Variants in ARMH3 observed in about 807,000 individuals in gnomAD.
The protein encoded by ARMH3 is armadillo-like helical domain-containing protein 3.
A neutral mutation model predicts 99.1 loss-of-function variants in ARMH3; 60 were observed. The observed-to-expected ratio is 0.61, with a 90% CI of 0.49 to 0.75. The LOEUF is 0.75. Among genes scored for constraint, ARMH3 ranks in the 30% least tolerant of loss-of-function variants. The probability of loss-of-function intolerance (pLI) is 0.00; values close to 1 mark genes in which losing one functional copy is unlikely to be tolerated. For missense variants in ARMH3, 679 were observed against 843.1 expected (o/e 0.81, Z 2.41); for synonymous variants, 285 against 292.8 (o/e 0.97, Z 0.27).
At chr10:101,856,312 T>A (rs2066736404) in intron 24 of ARMH3, among the ~76,000 whole-genome samples, 1 of 152,230 alleles carries the variant, frequency 6.6e-6, no homozygotes, top group African/African-American at 2.4e-5. Context: ...TTTTGGCTGC[T>A]ATTTTGATTA....
At chr10:102,054,388 CAAA>C (rs1199918958) in intron 1 of ARMH3, among the ~76,000 whole-genome samples, 2 of 70,746 alleles carry the variant, frequency 2.8e-5, no homozygotes, top group African/African-American at 5.6e-5. Flanking sequence ...GACTCCGTCT[CAAA>C]AAAAAAAAAA....
intron 24 of ARMH3, among the ~76,000 whole-genome samples, chr10:101,856,696 T>G (rs1167096349): frequency 2.0e-5 from 3 of 152,256 alleles, no homozygotes; most frequent in Non-Finnish European, 4.4e-5. Context: ...ACTGGATTCT[T>G]GATCACTGTT....
Position 102,041,090 on chromosome 10 carries a change from A to ATATATATAATATAT in ARMH3, c.-11-966_-11-965insATATATTATATATA, listed in dbSNP as rs1554897209. On this transcript the variant is annotated intron_variant, in intron 1 of 25. Coordinates refer to ENST00000370033, the MANE Select transcript of ARMH3 (RefSeq NM_024541.3). ...ATTGTGTGTACATATATATATATATAATATATATATATATATATATATGTA... is the reference window on the plus strand; with the variant it reads ...ATTGTGTGTACATATATATATATATATATATATAATATATATATATATATATATATATATATGTA... 6.0e-5 allele frequency among the ~76,000 whole-genome samples: 8 copies of ATATATATAATATAT among 132,638 alleles called. No individual in the cohort carries two copies. In the Admixed American group the frequency reaches 6.2e-4, roughly 10 times the overall value. 87.0% of individuals were successfully genotyped at this position (132,638 alleles called of 152,430 possible). A position where few individuals can be genotyped will look rare whatever the true frequency, so the allele number is the denominator to read the frequency against.
chr10:102,015,099 G>A (rs1288517835), intron 8 of ARMH3, among the ~76,000 whole-genome samples: 1 of 152,128 alleles, frequency 6.6e-6, no homozygotes, highest in Non-Finnish European at 1.5e-5. Context: ...ATGTTTATAA[G>A]GTTTAATGCA....
At chr10:101,963,777 TA>T (rs1203090302) in intron 20 of ARMH3, among the ~76,000 whole-genome samples, 1 of 151,812 alleles carries the variant, frequency 6.6e-6, no homozygotes, top group Non-Finnish European at 1.5e-5. Context: ...CTCCTGGTAG[TA>T]GTTTTAAAAG....
intron 19 of ARMH3, among the ~76,000 whole-genome samples, chr10:101,979,624 T>G (rs1846146199): frequency 6.6e-6 from 1 of 152,186 alleles, no homozygotes; most frequent in Non-Finnish European, 1.5e-5. Flanking sequence ...AAACACTAAA[T>G]TGTATAATTT....
chr10:101,992,698 T>C (rs1179286595), intron 17 of ARMH3, among the ~76,000 whole-genome samples: 1 of 152,008 alleles, frequency 6.6e-6, no homozygotes, highest in African/African-American at 2.4e-5. Flanking sequence ...GGTTTCATCC[T>C]GTTAGCCAGG....
rs116786216 is a variant in ARMH3, at chr10:102,004,705, C to T, written c.1048+1835G>A. Among the ~76,000 whole-genome samples, 1,232 of 152,214 alleles carry T rather than the reference C, an allele frequency of 8.1e-3. 19 individuals are homozygous for T. Among genetic ancestry groups the T allele is most frequent in the African/African-American group, 0.028 (1,154 of 41,516 alleles). On this transcript the variant is annotated intron_variant, in intron 14 of 25. Transcript: ENST00000370033. Reference sequence around the variant, plus strand: ...TTCTTAAAGAGAAAGTACTGTATTTCCATTGGGTTATTCTGTGGCCTGAAT... The same window carrying T: ...TTCTTAAAGAGAAAGTACTGTATTTTCATTGGGTTATTCTGTGGCCTGAAT...
intron 24 of ARMH3, among the ~76,000 whole-genome samples, chr10:101,885,632 G>C (rs2067521592): frequency 6.6e-6 from 1 of 152,160 alleles, no homozygotes; most frequent in Non-Finnish European, 1.5e-5. Flanking sequence ...AGGGGAAATG[G>C]GGAGTAACTG....
At chr10:102,028,406 C>T (rs2067049458) in intron 5 of ARMH3, among the ~76,000 whole-genome samples, 1 of 152,072 alleles carries the variant, frequency 6.6e-6, no homozygotes. Context: ...TAAATAAATA[C>T]GAGCATACAT....
intron 25 of ARMH3, among the ~76,000 whole-genome samples, chr10:101,848,195 G>A (rs541331099): frequency 3.9e-5 from 6 of 152,276 alleles, no homozygotes; most frequent in East Asian, 1.9e-4. Context: ...CCCAGCTTGG[G>A]AGCAGGGCCG....
chr10:102,011,574 C>A (rs890380559), intron 11 of ARMH3, 149 bp downstream of exon 11: 3 of 541,662 alleles, frequency 5.5e-6, no homozygotes, highest in South Asian at 3.4e-5. Flanking sequence ...AAAGGAAATA[C>A]ACTCCCCAAG....
chr10:102,019,398 TA>T (rs916626447), intron 8 of ARMH3, among the ~76,000 whole-genome samples: 87 of 145,298 alleles, frequency 6.0e-4, no homozygotes, highest in South Asian at 1.3e-3. Flanking sequence ...TCTACTTATT[TA>T]AAAAAAAAAA....
intron 23 of ARMH3, among the ~76,000 whole-genome samples, chr10:101,901,751 G>A (rs2067986546): frequency 6.6e-6 from 1 of 152,166 alleles, no homozygotes; most frequent in Non-Finnish European, 1.5e-5. Context: ...GGAGAAAGCA[G>A]GGGGGCTGGG....
chr10:102,035,936 G>A (rs1028655083), intron 2 of ARMH3, among the ~76,000 whole-genome samples: 15 of 150,792 alleles, frequency 9.9e-5, no homozygotes, highest in East Asian at 2.0e-4. Context: ...TCTTCCCAGC[G>A]GCCATCCCGT....
chr10:101,877,753 T>C (rs538613808), intron 24 of ARMH3, among the ~76,000 whole-genome samples: 5 of 152,312 alleles, frequency 3.3e-5, no homozygotes, highest in Middle Eastern at 3.4e-3. Flanking sequence ...AGCTTCACAG[T>C]TGCCTGAGAA....
At chr10:102,043,240 C>T (rs1035879379) in intron 1 of ARMH3, among the ~76,000 whole-genome samples, 1 of 152,174 alleles carries the variant, frequency 6.6e-6, no homozygotes, top group Non-Finnish European at 1.5e-5. Flanking sequence ...CATAATGGAA[C>T]AAGCAACCAG....
At chr10:101,985,049 C>G (rs1846402030) in intron 19 of ARMH3, among the ~76,000 whole-genome samples, 1 of 147,720 alleles carries the variant, frequency 6.8e-6, no homozygotes, top group Non-Finnish European at 1.5e-5. Context: ...TCCTGGGCAA[C>G]AGAAAGAGAC....
At chr10:101,902,400 C>T (rs1258016699) in intron 23 of ARMH3, among the ~76,000 whole-genome samples, 1 of 152,090 alleles carries the variant, frequency 6.6e-6, no homozygotes, top group Non-Finnish European at 1.5e-5. Flanking sequence ...TGTCCAGAAA[C>T]CGATACATCT....
Sources: allele counts gnomAD v4.1 joint callset (sites outside exome capture counted in the v4.1 genomes callset), GRCh38; gene constraint gnomAD v4.1.1; transcripts MANE v1.5; gene names NCBI Gene and HGNC (gene_info 2026-07-23, HGNC 2026-07-21).